SEMA3E: variants seen among roughly 807,000 people sequenced by gnomAD.
SEMA3E encodes the protein semaphorin 3E.
SEMA3E carries 49 observed loss-of-function variants against 93.6 expected under a neutral mutation model. The observed-to-expected ratio is 0.52, with a 90% CI of 0.42 to 0.66. SEMA3E has a LOEUF of 0.66. Ranked by LOEUF, SEMA3E falls within the 30% of genes least tolerant of loss-of-function variation. SEMA3E has a pLI of 0.00. For synonymous variants in SEMA3E, 363 were observed against 330.7 expected (o/e 1.10, Z -1.06); for missense variants, 906 against 964.8 (o/e 0.94, Z 0.81).
chr7:83,379,815 T>C lies in SEMA3E; in HGVS notation c.1875+5479A>G, dbSNP rs550206811. On this transcript the variant is annotated intron_variant, in intron 16 of 16. Coordinates refer to ENST00000643230, the MANE Select transcript of SEMA3E (RefSeq NM_012431.3). ...AGAAACAATAAAAATATCTCCTTCA[T>C]GGGACTGTTGCAAGGATTAAAAATA... 1.3e-4 allele frequency among the ~76,000 whole-genome samples: 20 copies of C among 152,056 alleles called. No individual in the cohort carries two copies. In the South Asian group the frequency reaches 2.7e-3, roughly 20 times the overall value.
chr7:83,469,495 A>G (rs1309480976), intron 2 of SEMA3E, among the ~76,000 whole-genome samples, 193 bp from the exon 3 acceptor site: 1 of 146,524 alleles, frequency 6.8e-6, no homozygotes, highest in Non-Finnish European at 1.5e-5. Flanking sequence ...CTGGGCTTTT[A>G]CTTTATGATA....
chr7:83,491,183 A>T (rs1039412102), intron 1 of SEMA3E, among the ~76,000 whole-genome samples: 11 of 152,070 alleles, frequency 7.2e-5, no homozygotes, highest in African/African-American at 2.7e-4. Context: ...TAAACAAATG[A>T]TAATATAAAG....
Position 83,562,464 on chromosome 7 carries a change from T to TTTTATTTATTTATTTA in SEMA3E, c.116-72206_116-72191dup, listed in dbSNP as rs149261610. Among the ~76,000 whole-genome samples the TTTTATTTATTTATTTA allele has an allele frequency of 3.9e-3, 547 of 141,080 alleles. 2 individuals carry two copies. The highest frequency in any genetic ancestry group is 0.013 in the East Asian group (62 of 4,740). 92.6% of individuals were successfully genotyped at this position (141,080 alleles called of 152,430 possible). ...CATAGGAAGGCTTTCTGAACTTCCT[T>TTTTATTTATTTATTTA]TTTATTTATTTATTTATTTATTTAT... On this transcript the variant is annotated intron_variant, in intron 1 of 16. Transcript: ENST00000643230.
intron 1 of SEMA3E, among the ~76,000 whole-genome samples, chr7:83,495,929 C>T (rs79908639): frequency 0.024 from 3,704 of 151,876 alleles, 140 homozygotes; most frequent in African/African-American, 0.084. Context: ...ATGTACGAGA[C>T]GTCTCATTTT....
intron 1 of SEMA3E, among the ~76,000 whole-genome samples, chr7:83,568,352 G>C (rs1271277495): frequency 6.6e-6 from 1 of 152,016 alleles, no homozygotes; most frequent in Non-Finnish European, 1.5e-5. Context: ...TGAAGAGGAA[G>C]GTATTCTCCC....
intron 1 of SEMA3E, among the ~76,000 whole-genome samples, chr7:83,586,982 T>C (rs746398237): frequency 3.9e-5 from 6 of 152,198 alleles, no homozygotes; most frequent in Non-Finnish European, 8.8e-5. Flanking sequence ...CTGCATTTTG[T>C]ACATTGAAGG....
At chr7:83,432,982 T>C (rs1788922706) in intron 4 of SEMA3E, among the ~76,000 whole-genome samples, 1 of 152,194 alleles carries the variant, frequency 6.6e-6, no homozygotes, top group South Asian at 2.1e-4. Flanking sequence ...TCCAGGACAG[T>C]AGCTTTTGAA....
chr7:83,385,559 G>A (rs1787862408), intron 15 of SEMA3E, 126 bp from the exon 16 acceptor site: 1 of 1,062,882 alleles, frequency 9.4e-7, no homozygotes, highest in Middle Eastern at 2.1e-4. Flanking sequence ...TTCTGCAAAA[G>A]GTAATTTAAA....
chr7:83,542,735 AT>A (rs1791562879), intron 1 of SEMA3E, among the ~76,000 whole-genome samples: 1 of 152,174 alleles, frequency 6.6e-6, no homozygotes, highest in South Asian at 2.1e-4. Flanking sequence ...ACTTGGTCTT[AT>A]AATCAGCTAA....
intron 4 of SEMA3E, among the ~76,000 whole-genome samples, chr7:83,452,739 G>A (rs111639361): frequency 0.013 from 2,003 of 152,238 alleles, 45 homozygotes; most frequent in African/African-American, 0.046. Flanking sequence ...GGAGAGGAAG[G>A]CCAGAAGGAA....
chr7:83,417,921 G>A (rs531844064), intron 5 of SEMA3E, among the ~76,000 whole-genome samples: 9 of 152,116 alleles, frequency 5.9e-5, no homozygotes, highest in Non-Finnish European at 1.2e-4. Context: ...CAGAAATTTA[G>A]ATAAATAAAT....
rs1358525981 is a variant in SEMA3E, at chr7:83,367,381, CATTT to C, written c.*201_*204del. On this transcript the variant is annotated 3_prime_UTR_variant, in exon 17 of 17. Transcript: ENST00000643230. ...CATAATGAGAAACCATTAAGCAATG[CATTT>C]ATTTAAAAAATTAGTTAATTTTATG... is the stretch of plus-strand genomic sequence containing the variant. 1 of 574,016 alleles carries C rather than the reference CATTT, an allele frequency of 1.7e-6. No individual in the cohort carries two copies. Among genetic ancestry groups the C allele is most frequent in the East Asian group, 3.0e-5 (1 of 33,358 alleles). 35.6% of individuals were successfully genotyped at this position (574,016 alleles called of 1,614,324 possible). A position where few individuals can be genotyped will look rare whatever the true frequency, so the allele number is the denominator to read the frequency against.
chr7:83,483,739 G>A (rs1790195210), intron 2 of SEMA3E, among the ~76,000 whole-genome samples: 1 of 152,156 alleles, frequency 6.6e-6, no homozygotes, highest in Admixed American at 6.5e-5. Context: ...AATATAACAA[G>A]GAAGGAGGTG....
At chr7:83,533,265 G>T (rs1281516922) in intron 1 of SEMA3E, among the ~76,000 whole-genome samples, 7 of 152,182 alleles carry the variant, frequency 4.6e-5, no homozygotes, top group African/African-American at 9.7e-5. Flanking sequence ...CAGGGGGCCA[G>T]GTGCAGTGGC....
rs767115234 is a variant in SEMA3E at position 83,394,297 on chromosome 7, C to T, written c.1500G>A (p.Arg500=). The change falls in exon 13 of 17, where the codon CGG becomes CGA. Residue 500 remains arginine (R), a splice_region_variant and synonymous_variant. Transcript: ENST00000643230. ...PIISMEISSK[R]QQLYIGSASA... is the part of the protein sequence containing the mutation. ...ACACACACACACACACAGAACTTAC[C>T]CGCTTTGAAGAAATCTCCATAGAAA... The T allele has an allele frequency of 6.2e-7, 1 of 1,612,768 alleles. No individual in the cohort carries two copies. The highest frequency in any genetic ancestry group is 1.3e-5 in the African/African-American group (1 of 74,736).
chr7:83,641,309 G>C (rs2115711511), intron 1 of SEMA3E: 1 of 842,954 alleles, frequency 1.2e-6, no homozygotes, highest in South Asian at 5.4e-5. Flanking sequence ...GTCAGGAACT[G>C]TGCATGGCAC....
At chr7:83,415,470 CTTG>C (rs1225407986) in intron 5 of SEMA3E, among the ~76,000 whole-genome samples, 1 of 152,002 alleles carries the variant, frequency 6.6e-6, no homozygotes, top group Non-Finnish European at 1.5e-5. Context: ...CAGTTAGAAG[CTTG>C]TTTTTACTCC....
chr7:83,561,093 T>C (rs1485096886), intron 1 of SEMA3E, among the ~76,000 whole-genome samples: 4 of 152,028 alleles, frequency 2.6e-5, no homozygotes, highest in African/African-American at 7.2e-5. Context: ...AGTACAAATG[T>C]TCTAACAGGA....
rs112705466 is a variant in SEMA3E, at chr7:83,582,396, C to T, written c.115+66032G>A. ...AAACAATGGAATTTGAAACTTGTCACGTGAGTGGCCCTAAGACACAAATTA... is the reference window on the plus strand; with the variant it reads ...AAACAATGGAATTTGAAACTTGTCATGTGAGTGGCCCTAAGACACAAATTA... On this transcript the variant is annotated intron_variant, in intron 1 of 16. Coordinates refer to ENST00000643230, the MANE Select transcript of SEMA3E (RefSeq NM_012431.3). Among the ~76,000 whole-genome samples, 11 of 152,018 alleles carry T rather than the reference C, an allele frequency of 7.2e-5. 1 individual carries two copies. The highest frequency in any genetic ancestry group is 2.2e-4 in the African/African-American group (9 of 41,520).
Sources: gnomAD v4.1 joint callset for allele counts (sites outside exome capture counted in the v4.1 genomes callset) on GRCh38, gnomAD v4.1.1 for gene constraint, MANE v1.5 for transcripts, NCBI Gene and HGNC (gene_info 2026-07-23, HGNC 2026-07-21) for gene names.